AFF3: variants seen among roughly 807,000 people sequenced by gnomAD.
AFF3 encodes the protein ALF transcription elongation factor 3, also known as AF4/FMR2 family member 3.
Under a neutral mutation model 129.7 loss-of-function variants are expected in AFF3, and 32 were observed. That is an observed-to-expected ratio of 0.25 (90% CI 0.19 to 0.33). AFF3 has a LOEUF of 0.33. Ranked by LOEUF, AFF3 falls within the 10% of genes least tolerant of loss-of-function variation. The pLI is 1.00. For missense variants in AFF3, 1,373 were observed against 1,592.0 expected (o/e 0.86, Z 2.34); for synonymous variants, 644 against 635.4 (o/e 1.01, Z -0.20).
At chr2:99,911,430 G>C (rs752354146) in intron 7 of AFF3, among the ~76,000 whole-genome samples, 1 of 151,838 alleles carries the variant, frequency 6.6e-6, no homozygotes, top group Non-Finnish European at 1.5e-5. Context: ...TTTTTATGCT[G>C]AGGGACAGGC....
intron 7 of AFF3, among the ~76,000 whole-genome samples, chr2:99,941,387 G>A (rs1675028778): frequency 6.6e-6 from 1 of 152,164 alleles, no homozygotes; most frequent in African/African-American, 2.4e-5. Context: ...CCACGCTACT[G>A]TTATTTACTG....
chr2:100,019,484 T>A (rs1487341748), intron 4 of AFF3, among the ~76,000 whole-genome samples: 1 of 152,108 alleles, frequency 6.6e-6, no homozygotes, highest in African/African-American at 2.4e-5. Context: ...ATCACGGTTC[T>A]CCACGGAGAC....
chr2:99,695,805 G>A (rs1676159357), intron 11 of AFF3, among the ~76,000 whole-genome samples: 1 of 151,988 alleles, frequency 6.6e-6, no homozygotes, highest in African/African-American at 2.4e-5. Flanking sequence ...GCACTTTAAT[G>A]CTCTAAGATG....
chr2:99,653,431 C>A (rs541655403), intron 12 of AFF3, among the ~76,000 whole-genome samples: 1 of 152,348 alleles, frequency 6.6e-6, no homozygotes, highest in South Asian at 2.1e-4. Context: ...TGACTCTTTT[C>A]TCTCCCACCT....
chr2:99,828,481 G>C (rs1576118284), intron 8 of AFF3, among the ~76,000 whole-genome samples: 1 of 152,188 alleles, frequency 6.6e-6, no homozygotes, highest in East Asian at 1.9e-4. Context: ...GAGCAAGTCA[G>C]GAGCAGTGCA....
chr2:99,866,841 T>A (rs1407785596), intron 7 of AFF3, among the ~76,000 whole-genome samples: 1 of 151,604 alleles, frequency 6.6e-6, no homozygotes, highest in Non-Finnish European at 1.5e-5. Context: ...CTGGGTGTGG[T>A]GGCACGCACC....
intron 4 of AFF3, among the ~76,000 whole-genome samples, chr2:100,062,520 GGTGATCTCAC>G (rs1687373602): frequency 6.6e-6 from 1 of 152,194 alleles, no homozygotes; most frequent in African/African-American, 2.4e-5. Context: ...GAGGACATGT[GGTGATCTCAC>G]GTGATCTCTG....
intron 2 of AFF3, among the ~76,000 whole-genome samples, chr2:100,118,268 G>T (rs1305887211): frequency 1.3e-5 from 2 of 152,078 alleles, no homozygotes; most frequent in Non-Finnish European, 2.9e-5. Context: ...TGAGTAACTT[G>T]CTCTTCCACT....
intron 8 of AFF3, among the ~76,000 whole-genome samples, chr2:99,821,791 T>G (rs1456257236): frequency 6.6e-6 from 1 of 152,162 alleles, no homozygotes; most frequent in Non-Finnish European, 1.5e-5. Flanking sequence ...ACCAAAACAT[T>G]GTTATGCGGC....
intron 10 of AFF3, 94 bp from the exon 11 acceptor site, chr2:99,727,222 A>C (rs1679434945): frequency 8.3e-7 from 1 of 1,206,886 alleles, no homozygotes; most frequent in Non-Finnish European, 1.2e-6. Flanking sequence ...TCCTATTAAC[A>C]ATCTTTCAAA....
At chr2:99,742,632 G>A (rs1362022105) in intron 10 of AFF3, among the ~76,000 whole-genome samples, 21 of 152,220 alleles carry the variant, frequency 1.4e-4, no homozygotes, top group Non-Finnish European at 8.8e-5. Flanking sequence ...AATCAACAGA[G>A]TGGGATGAAA....
At chr2:99,680,179 T>C (rs1674389672) in intron 11 of AFF3, among the ~76,000 whole-genome samples, 1 of 152,194 alleles carries the variant, frequency 6.6e-6, no homozygotes, top group African/African-American at 2.4e-5. Flanking sequence ...AATTGCTTCC[T>C]CCTAAAAGAA....
At chr2:100,011,424 A>C in intron 4 of AFF3, 1 of 779,328 alleles carries the variant, frequency 1.3e-6, no homozygotes, top group Non-Finnish European at 2.4e-6. Flanking sequence ...GCCTCATGTA[A>C]GATGGAGCAG....
chr2:99,854,549 A>G (rs968267813), intron 7 of AFF3, among the ~76,000 whole-genome samples: 1 of 152,226 alleles, frequency 6.6e-6, no homozygotes, highest in East Asian at 1.9e-4. Context: ...CTTATTACGG[A>G]AAAATCCATG....
intron 11 of AFF3, among the ~76,000 whole-genome samples, chr2:99,719,442 GT>G (rs1377355845): frequency 6.6e-6 from 1 of 152,102 alleles, no homozygotes; most frequent in Admixed American, 6.6e-5. Context: ...TTTATGTCAG[GT>G]TTTGGTATCA....
At position 99,744,253 on chromosome 2, in the gene AFF3, C is replaced by G. The variant is rs151155222; in HGVS notation, c.1003-113G>C. On this transcript the variant is annotated intron_variant, in intron 9 of 24. Transcript: ENST00000672756. ...TCAGAACCGATTCATTGCTCTCAAT[C>G]TCTATCAGCTACTTTAATGAGAAAC... 123 of 826,446 alleles carry G rather than the reference C, an allele frequency of 1.5e-4. No individual in the cohort carries two copies. In the East Asian group the frequency reaches 3.2e-3, roughly 22 times the overall value. The allele number at this position is 826,446 out of a possible 1,614,324, so 51.2% of individuals were successfully genotyped here. A position where few individuals can be genotyped will look rare whatever the true frequency, so the allele number is the denominator to read the frequency against.
intron 4 of AFF3, among the ~76,000 whole-genome samples, chr2:100,031,315 A>T (rs935344927): frequency 1.3e-5 from 2 of 152,222 alleles, no homozygotes; most frequent in Non-Finnish European, 2.9e-5. Flanking sequence ...GGGATTACAC[A>T]TATGCAACGG....
chr2:99,643,546 G>A (rs542467408), intron 13 of AFF3, among the ~76,000 whole-genome samples: 1 of 152,262 alleles, frequency 6.6e-6, no homozygotes, highest in African/African-American at 2.4e-5. Context: ...TATTAGTACT[G>A]TGTGGCAACT....
chr2:99,713,670 T>C (rs1247980527), intron 11 of AFF3, among the ~76,000 whole-genome samples: 2 of 151,826 alleles, frequency 1.3e-5, no homozygotes, highest in Non-Finnish European at 2.9e-5. Flanking sequence ...CCCTGGGCAA[T>C]TAAACAGGAG....
Sources: gnomAD v4.1 joint callset for allele counts (sites outside exome capture counted in the v4.1 genomes callset) on GRCh38, gnomAD v4.1.1 for gene constraint, MANE v1.5 for transcripts, NCBI Gene and HGNC (gene_info 2026-07-23, HGNC 2026-07-21) for gene names.